PRDM6: variants seen among roughly 807,000 people sequenced by gnomAD.
PRDM6 encodes PR/SET domain 6.
PRDM6 carries 25 observed loss-of-function variants against 60.8 expected under a neutral mutation model. The observed-to-expected ratio is 0.41, with a 90% CI of 0.30 to 0.57. The LOEUF (loss-of-function observed/expected upper bound fraction) is 0.57. PRDM6 is among the 20% of genes least tolerant of loss of function. The pLI is 0.27. For synonymous variants in PRDM6, 407 were observed against 357.4 expected (o/e 1.14, Z -1.57); for missense variants, 839 against 821.3 (o/e 1.02, Z -0.26).
At chr5:123,133,184 G>A (rs1749050829) in intron 3 of PRDM6, among the ~76,000 whole-genome samples, 1 of 152,070 alleles carries the variant, frequency 6.6e-6, no homozygotes, top group African/African-American at 2.4e-5. Context: ...CATACTGTTA[G>A]TTATCTCTGT....
intron 6 of PRDM6, among the ~76,000 whole-genome samples, chr5:123,177,385 T>A (rs1295674757): frequency 4.6e-5 from 7 of 152,174 alleles, no homozygotes; most frequent in African/African-American, 1.7e-4. Flanking sequence ...GTGAGGTACA[T>A]CCTTCAGTTC....
chr5:123,095,433 C>G lies in PRDM6; in HGVS notation c.593-4221C>G, dbSNP rs549829732. Among the ~76,000 whole-genome samples the G allele has an allele frequency of 6.4e-4, 97 of 152,378 alleles. 1 individual carries two copies. The South Asian group carries it at 0.019, about 30-fold the overall frequency. ...AGGCTGGAGCCCCGGGGGCGTGAAC[C>G]CCACGCGAGAAGTTCGGGCCCGGAT... On this transcript the variant is annotated intron_variant, in intron 2 of 7. Coordinates refer to ENST00000407847, the MANE Select transcript of PRDM6 (RefSeq NM_001136239.4).
chr5:123,170,984 A>T lies in PRDM6; in HGVS notation c.1372A>T (p.Thr458Ser). Residue 458 changes from threonine to serine, a missense_variant, in exon 6 of 8, where the codon ACT (threonine) becomes TCT (serine). Physicochemically the swap from Thr to Ser is moderately conservative, Grantham distance 58. Coordinates refer to ENST00000407847, the MANE Select transcript of PRDM6 (RefSeq NM_001136239.4). ...AAACCAGCGAGTCCTGGCAAGCCCA[A>T]CTTCCACAAGCCAGCTCCACTCGGA... is the stretch of plus-strand genomic sequence containing the variant. ...VKNQRVLASP[T>S]STSQLHSEFS... 6.4e-7 allele frequency: 1 copy of T among 1,551,818 alleles called. No homozygotes were observed. Among genetic ancestry groups the T allele is most frequent in the Non-Finnish European group, 8.7e-7 (1 of 1,147,030 alleles).
At position 123,180,117 on chromosome 5, in the gene PRDM6, A is replaced by G. The variant is rs146028269; in HGVS notation, c.1497-30A>G. On this transcript the variant is annotated intron_variant, in intron 6 of 7. Transcript: ENST00000407847. Reference sequence around the variant, plus strand: ...CTTCCACTGACCAACGCAGAAAACAATGACCAGACAGTCTGTTTATTTGTT... The same window carrying G: ...CTTCCACTGACCAACGCAGAAAACAGTGACCAGACAGTCTGTTTATTTGTT... 7,023 of 1,502,780 alleles carry G rather than the reference A, an allele frequency of 4.7e-3. 18 individuals are homozygous for G. The highest frequency in any genetic ancestry group is 5.8e-3 in the Non-Finnish European group (6,479 of 1,118,556). 93.1% of individuals were successfully genotyped at this position (1,502,780 alleles called of 1,614,324 possible).
chr5:123,180,058 C>T, intron 6 of PRDM6, 89 bp from the exon 7 acceptor site: 8 of 1,239,636 alleles, frequency 6.5e-6, no homozygotes, highest in South Asian at 1.6e-5. Flanking sequence ...AAAATGTCAC[C>T]AATAAGTTTT....
chr5:123,135,068 T>A (rs406157), intron 3 of PRDM6, among the ~76,000 whole-genome samples: 109,992 of 151,806 alleles, frequency 0.72, 40,009 homozygotes, highest in Non-Finnish European at 0.75. Flanking sequence ...AAGCAAATTA[T>A]CTCTGTGGTT....
intron 3 of PRDM6, among the ~76,000 whole-genome samples, chr5:123,152,442 T>A (rs932008623): frequency 1.3e-5 from 2 of 152,166 alleles, no homozygotes; most frequent in East Asian, 1.9e-4. Flanking sequence ...ATTAAAAAAA[T>A]TTTTAAACAT....
rs1382954744 is a variant in PRDM6, at chr5:123,190,921, G to A, written c.*3720G>A. 1.3e-5 allele frequency: 2 copies of A among 152,202 alleles called. No homozygotes were observed. Among genetic ancestry groups the A allele is most frequent in the African/African-American group, 4.8e-5 (2 of 41,448 alleles). The allele number at this position is 152,202 out of a possible 1,614,324, so 9.4% of individuals were successfully genotyped here. On this transcript the variant is annotated 3_prime_UTR_variant, in exon 8 of 8. Transcript: ENST00000407847. ...TTGTCTCAGTGAAGTTAAAGATTTT[G>A]TTCCAACTGGGAAAATCTGAGAGAG...
At chr5:123,153,687 C>T (rs186539745) in intron 3 of PRDM6, among the ~76,000 whole-genome samples, 6 of 152,016 alleles carry the variant, frequency 3.9e-5, no homozygotes, top group Admixed American at 6.6e-5. Context: ...CTTGTAGTCA[C>T]GATATACTTA....
chr5:123,138,177 T>C (rs1481930404), intron 3 of PRDM6, among the ~76,000 whole-genome samples: 1 of 152,216 alleles, frequency 6.6e-6, no homozygotes, highest in African/African-American at 2.4e-5. Flanking sequence ...TTCTAACGAC[T>C]TTAAAAAACA....
At chr5:123,158,617 A>C (rs533225753) in intron 4 of PRDM6, among the ~76,000 whole-genome samples, 6 of 152,306 alleles carry the variant, frequency 3.9e-5, no homozygotes, top group Admixed American at 2.0e-4. Context: ...TGACAAGTGC[A>C]TATCTCACTG....
At chr5:123,116,156 G>C (rs964058561) in intron 3 of PRDM6, among the ~76,000 whole-genome samples, 4 of 152,194 alleles carry the variant, frequency 2.6e-5, no homozygotes, top group Admixed American at 6.5e-5. Flanking sequence ...CAGTTCCTCT[G>C]AAGGTCGGGT....
intron 3 of PRDM6, among the ~76,000 whole-genome samples, chr5:123,124,704 T>C (rs1381070052): frequency 6.6e-6 from 1 of 152,230 alleles, no homozygotes; most frequent in Non-Finnish European, 1.5e-5. Flanking sequence ...AAGACATTGC[T>C]GCATCCGGAA....
At chr5:123,135,206 G>C (rs1764928554) in intron 3 of PRDM6, among the ~76,000 whole-genome samples, 1 of 152,126 alleles carries the variant, frequency 6.6e-6, no homozygotes, top group Non-Finnish European at 1.5e-5. Context: ...TACACAAGTG[G>C]GAAGTGTTAT....
intron 3 of PRDM6, among the ~76,000 whole-genome samples, chr5:123,116,225 G>A (rs1764441288): frequency 6.6e-6 from 1 of 152,162 alleles, no homozygotes; most frequent in Admixed American, 6.5e-5. Flanking sequence ...CCAAATGTTA[G>A]CCTGGAACTA....
chr5:123,155,809 A>G, intron 3 of PRDM6, 75 bp from the exon 4 acceptor site: 2 of 1,497,266 alleles, frequency 1.3e-6, no homozygotes, highest in Non-Finnish European at 1.8e-6. Flanking sequence ...TGACACATAA[A>G]GACACCAAGG....
intron 3 of PRDM6, among the ~76,000 whole-genome samples, chr5:123,136,527 C>A (rs1268167489): frequency 6.6e-6 from 1 of 152,060 alleles, no homozygotes; most frequent in Non-Finnish European, 1.5e-5. Flanking sequence ...AACTAAGTAG[C>A]CAGTACATCT....
chr5:123,099,629 C>A lies in PRDM6; in HGVS notation c.593-25C>A. ...GCGGCCGGATTAACCCGCTCCCTTC[C>A]CTTCCTCCTTCTTGTCTCCCGCAGG... is the stretch of plus-strand genomic sequence containing the variant. On this transcript the variant is annotated intron_variant, in intron 2 of 7. Transcript: ENST00000407847. This position sits in a 1 kb window ranked among gnomAD's most constrained non-coding sequence, Gnocchi z 4.0. 1 of 1,442,248 alleles carries A rather than the reference C, an allele frequency of 6.9e-7. No individual in the cohort carries two copies. Among genetic ancestry groups the A allele is most frequent in the Non-Finnish European group, 9.1e-7 (1 of 1,093,910 alleles). The allele number at this position is 1,442,248 out of a possible 1,614,324, so 89.3% of individuals were successfully genotyped here. A position where few individuals can be genotyped will look rare whatever the true frequency, so the allele number is the denominator to read the frequency against.
rs1161731304 is a variant in PRDM6 at position 123,190,460 on chromosome 5, TAA to T, written c.*3263_*3264del. 1 of 152,218 alleles carries T rather than the reference TAA, an allele frequency of 6.6e-6. No homozygotes were observed. Among genetic ancestry groups the T allele is most frequent in the Non-Finnish European group, 1.5e-5 (1 of 68,046 alleles). The allele number at this position is 152,218 out of a possible 1,614,324, so 9.4% of individuals were successfully genotyped here. On this transcript the variant is annotated 3_prime_UTR_variant, in exon 8 of 8. Coordinates refer to ENST00000407847, the MANE Select transcript of PRDM6 (RefSeq NM_001136239.4). ...GACTTTTTTGGAGGAGATATACTTC[TAA>T]AAAGTTATTGTATGGCTAATTAAAG... is the stretch of plus-strand genomic sequence containing the variant.
Sources: gnomAD v4.1 joint callset for allele counts (sites outside exome capture counted in the v4.1 genomes callset) on GRCh38, gnomAD v4.1.1 for gene constraint, Gnocchi (gnomAD v3.1) non-coding constraint, MANE v1.5 for transcripts, NCBI Gene and HGNC (gene_info 2026-07-23, HGNC 2026-07-21) for gene names.